CYP4X1: variants seen among roughly 807,000 people sequenced by gnomAD.
CYP4X1 encodes the protein cytochrome P450 family 4 subfamily X member 1, also known as cytochrome P450 4X1.
In CYP4X1, 44 loss-of-function variants were observed where a neutral mutation model predicts 57.9. The ratio of observed to expected loss-of-function variants is 0.76; its 90% CI spans 0.60 to 0.98. The LOEUF is 0.98. CYP4X1 is among the 50% of genes least tolerant of loss of function. CYP4X1 has a pLI of 0.00. For missense variants in CYP4X1, 532 were observed against 623.9 expected (o/e 0.85, Z 1.57); for synonymous variants, 227 against 228.6 (o/e 0.99, Z 0.06).
At chr1:47,033,906 T>C (rs1487941328) in intron 4 of CYP4X1, among the ~76,000 whole-genome samples, 1 of 152,198 alleles carries the variant, frequency 6.6e-6, no homozygotes, top group Non-Finnish European at 1.5e-5. Context: ...GAACTTGCCC[T>C]AAGGGCAAGA....
chr1:47,039,703 C>T, intron 8 of CYP4X1, 171 bp downstream of exon 8: 1 of 400,762 alleles, frequency 2.5e-6, no homozygotes, highest in Non-Finnish European at 4.1e-6. Flanking sequence ...ATTCTCTTGT[C>T]TTTCAGGAAA....
At chr1:46,988,310 C>T in the CYP4X1 span, among the ~76,000 whole-genome samples, 217 of 152,246 alleles carry the variant, frequency 1.4e-3, 2 homozygotes, top group Non-Finnish European at 2.0e-3. Flanking sequence ...TTCCTGGACA[C>T]ATACCCCCTC....
chr1:47,045,469 G>A (rs1644291109), intron 8 of CYP4X1, among the ~76,000 whole-genome samples: 1 of 152,212 alleles, frequency 6.6e-6, no homozygotes, highest in Non-Finnish European at 1.5e-5. Context: ...TCTTAGGTCA[G>A]TAATTAAACT....
chr1:46,962,092 G>A, the CYP4X1 span, among the ~76,000 whole-genome samples: 1 of 152,054 alleles, frequency 6.6e-6, no homozygotes, highest in Non-Finnish European at 1.5e-5. Context: ...TCTGAAGTAT[G>A]AGCTTTCTTT....
At chr1:47,000,857 G>A in the CYP4X1 span, 1 of 153,762 alleles carries the variant, frequency 6.5e-6, no homozygotes, top group Non-Finnish European at 1.5e-5. Context: ...CAAACAAGCA[G>A]GGAACAGAAA....
chr1:46,962,441 T>C, the CYP4X1 span, among the ~76,000 whole-genome samples: 1 of 152,154 alleles, frequency 6.6e-6, no homozygotes, highest in African/African-American at 2.4e-5. Flanking sequence ...CTGAATTGAT[T>C]CTGGGTTTCC....
intron 3 of CYP4X1, 30 bp from the exon 4 acceptor site, chr1:47,033,211 C>A: frequency 6.2e-7 from 1 of 1,606,856 alleles, no homozygotes; most frequent in Non-Finnish European, 8.5e-7. Flanking sequence ...AATTAAATGG[C>A]ATAAGGTTTT....
downstream of CYP4X1, among the ~76,000 whole-genome samples, chr1:47,053,133 G>A (rs1644370004): frequency 1.3e-5 from 2 of 151,302 alleles, no homozygotes; most frequent in African/African-American, 4.9e-5. Context: ...TGTTCTCATT[G>A]TTCAATTCCC....
At chr1:47,001,338 T>C in the CYP4X1 span, among the ~76,000 whole-genome samples, 1 of 152,216 alleles carries the variant, frequency 6.6e-6, no homozygotes, top group Non-Finnish European at 1.5e-5. Flanking sequence ...TCTAATCACA[T>C]GGATGGATAA....
At chr1:47,044,277 T>A (rs1644277287) in intron 8 of CYP4X1, among the ~76,000 whole-genome samples, 1 of 152,204 alleles carries the variant, frequency 6.6e-6, no homozygotes, top group Non-Finnish European at 1.5e-5. Flanking sequence ...TGCTTTGTGG[T>A]TACCATGAGG....
chr1:47,031,627 T>C, intron 3 of CYP4X1, 147 bp downstream of exon 3: 1 of 840,814 alleles, frequency 1.2e-6, no homozygotes, highest in Non-Finnish European at 1.9e-6. Context: ...GGGGAAAGAT[T>C]GAAGGGGAGC....
the CYP4X1 span, among the ~76,000 whole-genome samples, chr1:46,988,173 A>C: frequency 1.3e-5 from 2 of 152,182 alleles, no homozygotes; most frequent in Non-Finnish European, 2.9e-5. Flanking sequence ...AGAAGAATCA[A>C]ATAGATGCAA....
the CYP4X1 span, among the ~76,000 whole-genome samples, chr1:46,970,207 G>A: frequency 2.0e-5 from 3 of 152,126 alleles, no homozygotes; most frequent in South Asian, 4.1e-4. Context: ...AATTTATTAT[G>A]TACTATCTAA....
chr1:46,983,421 G>T, the CYP4X1 span, among the ~76,000 whole-genome samples: 1 of 152,222 alleles, frequency 6.6e-6, no homozygotes, highest in African/African-American at 2.4e-5. Flanking sequence ...AAATGATCAG[G>T]GTCTTTGTTT....
intron 8 of CYP4X1, among the ~76,000 whole-genome samples, chr1:47,040,586 G>T (rs556116943): frequency 2.0e-5 from 3 of 152,006 alleles, no homozygotes; most frequent in African/African-American, 7.2e-5. Context: ...ATAAACTAAA[G>T]ATTTAATCTA....
intron 8 of CYP4X1, among the ~76,000 whole-genome samples, chr1:47,040,015 TAGTTA>T (rs3073872): frequency 0.25 from 37,511 of 151,892 alleles, 5,557 homozygotes; most frequent in East Asian, 0.69. Context: ...ATATATACTA[TAGTTA>T]AGTTTAGCAA....
At position 47,039,518 on chromosome 1, in the gene CYP4X1, G is replaced by T. The variant is rs1644222075; in HGVS notation, c.1059G>T (p.Gly353=). 1 of 1,605,772 alleles carries T rather than the reference G, an allele frequency of 6.2e-7. No individual in the cohort carries two copies. Among genetic ancestry groups the T allele is most frequent in the South Asian group, 1.1e-5 (1 of 89,358 alleles). The change falls in exon 8 of 12, where the codon GGG becomes GGT. Residue 353 remains glycine, a synonymous_variant. Transcript: ENST00000371901. ...AGGTCAGGGGCATCCTGGGGGATGG[G>T]TCTTCTATCACTTGGTAAGATCTGC... The part of the protein sequence containing the change: ...REEVRGILGD[G]SSITWDQLGE...
At chr1:46,967,890 A>G in the CYP4X1 span, 3 of 812,854 alleles carry the variant, frequency 3.7e-6, no homozygotes, top group Non-Finnish European at 5.3e-6. Context: ...CAGACAGTGA[A>G]TTGATAAGAG....
the CYP4X1 span, among the ~76,000 whole-genome samples, chr1:46,964,075 G>T: frequency 3.3e-5 from 5 of 152,284 alleles, no homozygotes; most frequent in African/African-American, 9.6e-5. Context: ...TAGTTCTCGT[G>T]CCATGGTTTT....
Sources: allele counts gnomAD v4.1 joint callset (sites outside exome capture counted in the v4.1 genomes callset), GRCh38; gene constraint gnomAD v4.1.1; transcripts MANE v1.5; gene names NCBI Gene and HGNC (gene_info 2026-07-23, HGNC 2026-07-21).